EHBP1: variants seen among roughly 807,000 people sequenced by gnomAD.
The protein encoded by EHBP1 is EH domain binding protein 1.
A neutral mutation model predicts 144.0 loss-of-function variants in EHBP1; 55 were observed. That is an observed-to-expected ratio of 0.38 (90% CI 0.31 to 0.48). The LOEUF (loss-of-function observed/expected upper bound fraction) is 0.48, where lower values mean the gene tolerates loss of function less well. Ranked by LOEUF, EHBP1 falls within the 20% of genes least tolerant of loss-of-function variation. EHBP1 has a pLI of 0.98. For missense variants in EHBP1, 1,200 were observed against 1,364.2 expected, an observed-to-expected ratio of 0.88 and a Z score of 1.90; for synonymous variants, 469 against 472.7, an observed-to-expected ratio of 0.99 and a Z score of 0.10.
At chr2:62,742,298 T>C (rs894137605) in intron 2 of EHBP1, among the ~76,000 whole-genome samples, 1 of 152,142 alleles carries the variant, frequency 6.6e-6, no homozygotes, top group East Asian at 1.9e-4. Flanking sequence ...TCATTTTATA[T>C]AAGGGACTTG....
intron 10 of EHBP1, among the ~76,000 whole-genome samples, chr2:62,908,802 A>G (rs1236998230): frequency 1.3e-5 from 2 of 152,120 alleles, no homozygotes; most frequent in Non-Finnish European, 2.9e-5. Context: ...AATTTGCTTT[A>G]TGGCCCAGAA....
At chr2:63,041,220 T>TTTTC (rs2061647481) in intron 21 of EHBP1, among the ~76,000 whole-genome samples, 1 of 152,044 alleles carries the variant, frequency 6.6e-6, no homozygotes, top group South Asian at 2.1e-4. Context: ...GCCTGTTTTT[T>TTTTC]ACCCTTTTTC....
intron 4 of EHBP1, among the ~76,000 whole-genome samples, chr2:62,764,968 G>T (rs892735570): frequency 3.9e-5 from 6 of 151,970 alleles, no homozygotes; most frequent in African/African-American, 1.2e-4. Flanking sequence ...GAGTTAAATT[G>T]AAAATAGCTG....
At chr2:62,732,127 G>A (rs183317788) in intron 2 of EHBP1, among the ~76,000 whole-genome samples, 10 of 152,076 alleles carry the variant, frequency 6.6e-5, no homozygotes, top group Admixed American at 3.9e-4. Flanking sequence ...TTATAGGTAC[G>A]GTGTTTTTTC....
At chr2:63,028,092 TA>T in intron 19 of EHBP1, among the ~76,000 whole-genome samples, 1 of 152,302 alleles carries the variant, frequency 6.6e-6, no homozygotes, top group African/African-American at 2.4e-5. Flanking sequence ...TCAAAATTAC[TA>T]AGAGAGTTGA....
chr2:62,938,818 A>G (rs2056559006), intron 10 of EHBP1, among the ~76,000 whole-genome samples: 1 of 151,460 alleles, frequency 6.6e-6, no homozygotes, highest in African/African-American at 2.4e-5. Context: ...AAAAAAAAAG[A>G]AGAAGAAGAA....
At chr2:63,016,004 C>T (rs2060470431) in intron 19 of EHBP1, among the ~76,000 whole-genome samples, 2 of 151,980 alleles carry the variant, frequency 1.3e-5, no homozygotes, top group African/African-American at 2.4e-5. Context: ...TGTTATAAAG[C>T]AAATAAAATG....
chr2:62,898,066 A>T (rs1356231193), intron 10 of EHBP1, among the ~76,000 whole-genome samples: 1 of 152,182 alleles, frequency 6.6e-6, no homozygotes, highest in African/African-American at 2.4e-5. Context: ...GAGCGGAAAG[A>T]AACAAGTTTG....
intron 10 of EHBP1, among the ~76,000 whole-genome samples, chr2:62,904,668 C>A (rs1391357024): frequency 6.6e-6 from 1 of 152,220 alleles, no homozygotes; most frequent in Non-Finnish European, 1.5e-5. Context: ...GGGGGATTGG[C>A]TGACCTAACT....
chr2:62,947,437 A>G (rs993855035), intron 12 of EHBP1, among the ~76,000 whole-genome samples: 1 of 152,208 alleles, frequency 6.6e-6, no homozygotes, highest in Non-Finnish European at 1.5e-5. Flanking sequence ...TAAAAAGAGT[A>G]AACATTTTAC....
At chr2:62,928,366 G>A (rs2055700495) in intron 10 of EHBP1, among the ~76,000 whole-genome samples, 2 of 152,066 alleles carry the variant, frequency 1.3e-5, no homozygotes, top group South Asian at 4.1e-4. Flanking sequence ...GCTGTGTGGT[G>A]GGAATCAAAA....
intron 21 of EHBP1, chr2:63,044,800 A>T (rs2061869588): frequency 3.4e-6 from 1 of 290,188 alleles, no homozygotes; most frequent in Non-Finnish European, 6.5e-6. Flanking sequence ...TGCGCACCTC[A>T]GGCTAGCCAC....
intron 10 of EHBP1, among the ~76,000 whole-genome samples, chr2:62,935,666 C>CT (rs2056336227): frequency 6.6e-6 from 1 of 151,774 alleles, no homozygotes; most frequent in African/African-American, 2.4e-5. Flanking sequence ...AATTTTGTTT[C>CT]TTTTTTAATA....
At chr2:62,945,832 T>C (rs1021833610) in intron 12 of EHBP1, among the ~76,000 whole-genome samples, 1 of 152,110 alleles carries the variant, frequency 6.6e-6, no homozygotes, top group African/African-American at 2.4e-5. Context: ...AACCTGGCAG[T>C]CTCTATTGAA....
chr2:63,038,072 A>T (rs1374086797), intron 20 of EHBP1, among the ~76,000 whole-genome samples: 1 of 152,170 alleles, frequency 6.6e-6, no homozygotes, highest in Non-Finnish European at 1.5e-5. Context: ...AGTTACTAAA[A>T]CAAAAGTGAC....
intron 15 of EHBP1, among the ~76,000 whole-genome samples, chr2:62,984,405 GCA>G (rs1024929896): frequency 2.0e-5 from 3 of 152,076 alleles, no homozygotes; most frequent in African/African-American, 7.2e-5. Context: ...ACCTTTTCCT[GCA>G]CACACAGTAC....
intron 2 of EHBP1, among the ~76,000 whole-genome samples, chr2:62,731,333 AT>A (rs1178776785): frequency 2.0e-5 from 3 of 152,138 alleles, no homozygotes; most frequent in Non-Finnish European, 4.4e-5. Flanking sequence ...GACTTTCTGC[AT>A]AGACAATCCT....
chr2:62,784,601 C>T (rs1351404444), intron 5 of EHBP1, among the ~76,000 whole-genome samples: 1 of 152,118 alleles, frequency 6.6e-6, no homozygotes, highest in Non-Finnish European at 1.5e-5. Flanking sequence ...GCCACATGAA[C>T]TTGAAAGACT....
At chr2:62,711,974 C>G (rs943565140) in intron 2 of EHBP1, among the ~76,000 whole-genome samples, 2 of 152,136 alleles carry the variant, frequency 1.3e-5, no homozygotes, top group African/African-American at 4.8e-5. Context: ...TATTTTGCTA[C>G]AAAGCAGAGA....
Sources: gnomAD v4.1 joint callset for allele counts (sites outside exome capture counted in the v4.1 genomes callset) on GRCh38, gnomAD v4.1.1 for gene constraint, MANE v1.5 for transcripts, NCBI Gene and HGNC (gene_info 2026-07-23, HGNC 2026-07-21) for gene names.